Variants in MBNL2 observed in about 807,000 individuals in gnomAD.
The protein encoded by MBNL2 is muscleblind-like protein 2.
In MBNL2, 17 loss-of-function variants were observed where a neutral mutation model predicts 41.9. That is an observed-to-expected ratio of 0.41 (90% CI 0.28 to 0.61). The LOEUF (loss-of-function observed/expected upper bound fraction) is 0.61. Among genes scored for constraint, MBNL2 ranks in the 20% least tolerant of loss-of-function variants. MBNL2 has a pLI of 0.35. For synonymous variants in MBNL2, 195 were observed against 182.9 expected, an observed-to-expected ratio of 1.07 and a Z score of -0.53; for missense variants, 336 against 505.6, an observed-to-expected ratio of 0.66 and a Z score of 3.22.
chr13:97,362,615 G>C (rs534707408), intron 7 of MBNL2, among the ~76,000 whole-genome samples: 3 of 152,286 alleles, frequency 2.0e-5, no homozygotes, highest in Admixed American at 2.0e-4. Flanking sequence ...GGTAGTCAGA[G>C]ACTAGACCAC....
chr13:97,376,325 T>C (rs569437153), intron 8 of MBNL2, among the ~76,000 whole-genome samples: 1 of 152,312 alleles, frequency 6.6e-6, no homozygotes, highest in South Asian at 2.1e-4. Flanking sequence ...AACGCTCCTA[T>C]GAGACCTCTC....
intron 5 of MBNL2, among the ~76,000 whole-genome samples, chr13:97,349,385 C>T (rs1308442444): frequency 6.6e-6 from 1 of 152,190 alleles, no homozygotes; most frequent in African/African-American, 2.4e-5. Context: ...ATCCATTCTA[C>T]TATCAACCTG....
At chr13:97,355,341 C>G (rs1467974161) in intron 5 of MBNL2, among the ~76,000 whole-genome samples, 4 of 152,028 alleles carry the variant, frequency 2.6e-5, no homozygotes, top group African/African-American at 9.7e-5. Flanking sequence ...TACTTTTTAT[C>G]CTGAATTATA....
chr13:97,176,620 G>A, the MBNL2 span, among the ~76,000 whole-genome samples: 1 of 152,280 alleles, frequency 6.6e-6, no homozygotes, highest in Admixed American at 6.5e-5. Context: ...CATCATTAAT[G>A]AGTACAGCTT....
At chr13:97,370,675 A>AC (rs1180211813) in intron 8 of MBNL2, among the ~76,000 whole-genome samples, 2 of 151,900 alleles carry the variant, frequency 1.3e-5, no homozygotes. Flanking sequence ...GTCAAAAAAA[A>AC]AAAAGAAAGA....
the MBNL2 span, among the ~76,000 whole-genome samples, chr13:97,179,001 T>C: frequency 6.6e-6 from 1 of 152,254 alleles, no homozygotes; most frequent in Non-Finnish European, 1.5e-5. Context: ...ATATTCTTAG[T>C]AGTCTTTGAA....
intron 2 of MBNL2, among the ~76,000 whole-genome samples, chr13:97,311,037 T>C (rs964577875): frequency 1.3e-5 from 2 of 152,138 alleles, no homozygotes; most frequent in African/African-American, 4.8e-5. Flanking sequence ...ATAGGCAGAT[T>C]CAAGACACAT....
chr13:97,366,880 G>A lies in MBNL2; in HGVS notation c.1048+1709G>A, dbSNP rs1396341332. 2.6e-5 allele frequency among the ~76,000 whole-genome samples: 4 copies of A among 152,106 alleles called. No individual in the cohort carries two copies. The highest frequency in any genetic ancestry group is 2.1e-4 in the South Asian group (1 of 4,810). Reference sequence around the variant, plus strand: ...ATGGCCACATAAAAATTGTAGACGCGCACCCATGGGTGCTTCAAAACTGGC... The same window carrying A: ...ATGGCCACATAAAAATTGTAGACGCACACCCATGGGTGCTTCAAAACTGGC... On this transcript the variant is annotated intron_variant, in intron 8 of 8. Transcript: ENST00000679496. The surrounding 1 kb of genome is among the most constrained non-coding windows in gnomAD (Gnocchi z 4.7).
chr13:97,204,950 G>T, the MBNL2 span, among the ~76,000 whole-genome samples: 2 of 151,904 alleles, frequency 1.3e-5, no homozygotes, highest in Non-Finnish European at 1.5e-5. Flanking sequence ...TGAGACAGGG[G>T]TTCATGAAGT....
chr13:97,276,536 G>C, intron 2 of MBNL2, 127 bp downstream of exon 2: 2 of 903,522 alleles, frequency 2.2e-6, no homozygotes, highest in Non-Finnish European at 3.4e-6. Context: ...TGTGGTGACT[G>C]TTGGGAGATT....
chr13:97,175,868 G>A, the MBNL2 span, among the ~76,000 whole-genome samples: 3 of 152,180 alleles, frequency 2.0e-5, no homozygotes, highest in African/African-American at 7.2e-5. Flanking sequence ...TTAATGCATA[G>A]CCAAAGCAGG....
At chr13:97,252,390 C>T (rs933198427) in intron 1 of MBNL2, among the ~76,000 whole-genome samples, 6 of 147,714 alleles carry the variant, frequency 4.1e-5, no homozygotes, top group African/African-American at 1.6e-4. Flanking sequence ...CAGGTTCTTC[C>T]CCATACCCAT....
chr13:97,291,050 G>T (rs1017885475), intron 2 of MBNL2, among the ~76,000 whole-genome samples: 4 of 152,124 alleles, frequency 2.6e-5, no homozygotes, highest in Admixed American at 6.5e-5. Flanking sequence ...GTACAGGGAT[G>T]ACAGGCTCTG....
At chr13:97,207,066 C>T in the MBNL2 span, among the ~76,000 whole-genome samples, 1 of 152,146 alleles carries the variant, frequency 6.6e-6, no homozygotes, top group Non-Finnish European at 1.5e-5. Context: ...TCCTTGGATC[C>T]CCTTCCCTTT....
chr13:97,364,562 C>T (rs1404951718), intron 7 of MBNL2, among the ~76,000 whole-genome samples: 1 of 152,206 alleles, frequency 6.6e-6, no homozygotes, highest in African/African-American at 2.4e-5. Flanking sequence ...TGGAGAATAT[C>T]TTAAATCTTA....
the MBNL2 span, among the ~76,000 whole-genome samples, chr13:97,211,241 A>ATGATTG: frequency 1.1e-4 from 16 of 152,306 alleles, no homozygotes; most frequent in Non-Finnish European, 2.1e-4. Flanking sequence ...TAAGCTCACC[A>ATGATTG]TAATCGTCTC....
intron 7 of MBNL2, 111 bp from the exon 8 acceptor site, chr13:97,365,025 C>T (rs2063741503): frequency 3.8e-6 from 3 of 794,050 alleles, no homozygotes; most frequent in Non-Finnish European, 4.6e-6. Flanking sequence ...TGTTAACTAA[C>T]CCTACTTATT....
chr13:97,227,348 A>C (rs1036413183), intron 1 of MBNL2, among the ~76,000 whole-genome samples: 1 of 152,198 alleles, frequency 6.6e-6, no homozygotes, highest in Non-Finnish European at 1.5e-5. Flanking sequence ...ACATGACCTC[A>C]GAGGAAAAAG....
intron 1 of MBNL2, among the ~76,000 whole-genome samples, chr13:97,243,327 A>G (rs905845695): frequency 6.6e-6 from 1 of 152,198 alleles, no homozygotes; most frequent in African/African-American, 2.4e-5. Context: ...AGTAGCCAGC[A>G]TGTGTCGGAT....
Sources: gnomAD v4.1 joint callset for allele counts (sites outside exome capture counted in the v4.1 genomes callset) on GRCh38, gnomAD v4.1.1 for gene constraint, Gnocchi (gnomAD v3.1) non-coding constraint, MANE v1.5 for transcripts, NCBI Gene and HGNC (gene_info 2026-07-23, HGNC 2026-07-21) for gene names.